The following CAMSAP2 variants were observed in gnomAD, a reference collection of about 807,000 sequenced individuals.
CAMSAP2 encodes the protein calmodulin-regulated spectrin-associated protein 2.
CAMSAP2 carries 26 observed loss-of-function variants against 146.1 expected under a neutral mutation model. The ratio of observed to expected loss-of-function variants is 0.18; its 90% CI spans 0.13 to 0.25. The LOEUF (loss-of-function observed/expected upper bound fraction) is 0.25, where lower values mean the gene tolerates loss of function less well. Among genes scored for constraint, CAMSAP2 ranks in the 10% least tolerant of loss-of-function variants. The pLI is 1.00. For missense variants in CAMSAP2, 1,381 were observed against 1,759.3 expected (o/e 0.78, Z 3.85); for synonymous variants, 499 against 596.6 (o/e 0.84, Z 2.38).
chr1:200,743,470 T>C (rs902223009), intron 1 of CAMSAP2, among the ~76,000 whole-genome samples: 61 of 152,198 alleles, frequency 4.0e-4, no homozygotes, highest in African/African-American at 1.3e-3. Flanking sequence ...TGGGTAGCAT[T>C]GTGGTTAAGA....
intron 2 of CAMSAP2, among the ~76,000 whole-genome samples, chr1:200,786,258 A>G (rs1665586383): frequency 6.6e-6 from 1 of 150,820 alleles, no homozygotes; most frequent in African/African-American, 2.4e-5. Context: ...GTTCTTTATT[A>G]TTTCTTTTCT....
At chr1:200,756,008 T>A (rs1664637891) in intron 1 of CAMSAP2, among the ~76,000 whole-genome samples, 1 of 152,164 alleles carries the variant, frequency 6.6e-6, no homozygotes, top group Non-Finnish European at 1.5e-5. Context: ...ACCTGGCATA[T>A]TCTAGCAACA....
In CAMSAP2 at chr1:200,751,535, CAAAAAAAAAAAA is replaced by C. The variant is rs35294926; in HGVS notation, c.140-9291_140-9280del. On this transcript the variant is annotated intron_variant, in intron 1 of 16. Transcript: ENST00000358823. Reference sequence around the variant, plus strand: ...GGGTGACAAGAGTGAGACTCCATCTCAAAAAAAAAAAAAAAAAAAAAAAAGCTACAAGCTACA... The same window carrying C: ...GGGTGACAAGAGTGAGACTCCATCTCAAAAAAAAAAAAGCTACAAGCTACA... 9.6e-5 allele frequency among the ~76,000 whole-genome samples: 4 copies of C among 41,606 alleles called. 1 individual carries two copies. Among genetic ancestry groups the C allele is most frequent in the African/African-American group, 2.5e-4 (3 of 11,840 alleles). The allele number at this position is 41,606 out of a possible 152,430, so 27.3% of individuals were successfully genotyped here.
chr1:200,848,941 G>T lies in CAMSAP2; in HGVS notation c.2172G>T (p.Val724=). 6.2e-7 allele frequency: 1 copy of T among 1,614,168 alleles called. No homozygotes were observed. Among genetic ancestry groups the T allele is most frequent in the Non-Finnish European group, 8.5e-7 (1 of 1,180,014 alleles). The part of the protein sequence containing the change: ...PEGSELNIPH[V]VAWAQIPEET... ...GCTCTGAACTTAATATTCCTCATGT[G>T]GTTGCTTGGGCACAAATTCCAGAAG... is the stretch of plus-strand genomic sequence containing the variant. Residue 724 remains valine (V), a synonymous_variant, in exon 11 of 17, where the codon GTG becomes GTT. Coordinates refer to ENST00000358823, the MANE Select transcript of CAMSAP2 (RefSeq NM_203459.4).
Position 200,832,061 on chromosome 1 carries a change from GA to G in CAMSAP2, c.646-132del. The G allele has an allele frequency of 1.4e-6, 1 of 691,514 alleles. No individual in the cohort carries two copies. The highest frequency in any genetic ancestry group is 2.3e-6 in the Non-Finnish European group (1 of 431,736). The allele number at this position is 691,514 out of a possible 1,614,324, so 42.8% of individuals were successfully genotyped here. On this transcript the variant is annotated intron_variant, in intron 4 of 16. Transcript: ENST00000358823. This position sits in a 1 kb window ranked among gnomAD's most constrained non-coding sequence, Gnocchi z 4.2. ...CTTTGGTAATACCTAGCGTTATTTA[GA>G]AAAAAAGAAATATTGGTGAGTGGTC...
chr1:200,841,970 C>T (rs371599898), intron 6 of CAMSAP2, 24 bp from the exon 7 acceptor site: 12 of 1,520,106 alleles, frequency 7.9e-6, no homozygotes, highest in Non-Finnish European at 1.0e-5. Flanking sequence ...CTAATGTAGG[C>T]TTTCTCTTAA....
chr1:200,748,188 G>T (rs563079208), intron 1 of CAMSAP2, among the ~76,000 whole-genome samples: 1 of 152,098 alleles, frequency 6.6e-6, no homozygotes, highest in Non-Finnish European at 1.5e-5. Flanking sequence ...CCATCATCCA[G>T]CCCCTGCTGT....
chr1:200,786,381 T>C (rs893008168), intron 2 of CAMSAP2, among the ~76,000 whole-genome samples: 6 of 151,898 alleles, frequency 4.0e-5, no homozygotes, highest in African/African-American at 7.2e-5. Context: ...ATAAATTGCT[T>C]TCTTTTTTTT....
intron 2 of CAMSAP2, among the ~76,000 whole-genome samples, chr1:200,787,260 T>C (rs756320711): frequency 4.6e-5 from 7 of 152,218 alleles, no homozygotes; most frequent in Non-Finnish European, 8.8e-5. Context: ...CTGGGCAAAG[T>C]AAATTTAAAA....
At chr1:200,850,268 T>G (rs1442713650) in intron 11 of CAMSAP2, 34 bp downstream of exon 11, 5 of 1,508,986 alleles carry the variant, frequency 3.3e-6, no homozygotes, top group Non-Finnish European at 3.5e-6. Flanking sequence ...TTGGGCATCT[T>G]CATTAGATGA....
intron 6 of CAMSAP2, among the ~76,000 whole-genome samples, chr1:200,838,960 T>C (rs1328348502): frequency 6.6e-6 from 1 of 152,198 alleles, no homozygotes; most frequent in Non-Finnish European, 1.5e-5. Flanking sequence ...ACTGGGATAG[T>C]GGTGCCATTC....
At chr1:200,841,570 C>T (rs1473921649) in intron 6 of CAMSAP2, among the ~76,000 whole-genome samples, 2 of 152,236 alleles carry the variant, frequency 1.3e-5, no homozygotes, top group African/African-American at 2.4e-5. Context: ...TTTAACACTA[C>T]ATCCAGTTAC....
At chr1:200,746,853 C>T (rs539877211) in intron 1 of CAMSAP2, among the ~76,000 whole-genome samples, 2 of 151,968 alleles carry the variant, frequency 1.3e-5, no homozygotes, top group Non-Finnish European at 2.9e-5. Flanking sequence ...CTCCCGACCT[C>T]GTGATCTGCC....
chr1:200,794,769 A>T (rs1665841159), intron 2 of CAMSAP2, among the ~76,000 whole-genome samples: 1 of 152,136 alleles, frequency 6.6e-6, no homozygotes, highest in Admixed American at 6.5e-5. Flanking sequence ...TCCATGCTCT[A>T]ATTAGAGTCC....
intron 1 of CAMSAP2, among the ~76,000 whole-genome samples, chr1:200,749,161 C>A (rs1483918005): frequency 6.6e-6 from 1 of 152,206 alleles, no homozygotes; most frequent in Non-Finnish European, 1.5e-5. Flanking sequence ...TTTCATGTGT[C>A]CTGTCTCTAC....
At chr1:200,821,101 A>G (rs1666749105) in intron 4 of CAMSAP2, among the ~76,000 whole-genome samples, 1 of 151,912 alleles carries the variant, frequency 6.6e-6, no homozygotes, top group Admixed American at 6.6e-5. Flanking sequence ...TAAATTAGAT[A>G]ATTTTTGTTT....
At chr1:200,827,932 G>A (rs1201616982) in intron 4 of CAMSAP2, among the ~76,000 whole-genome samples, 2 of 152,084 alleles carry the variant, frequency 1.3e-5, no homozygotes, top group Non-Finnish European at 2.9e-5. Flanking sequence ...GACAGCCCTA[G>A]ATAGTAAATT....
intron 2 of CAMSAP2, among the ~76,000 whole-genome samples, chr1:200,792,604 C>A (rs1665785007): frequency 6.6e-6 from 1 of 152,204 alleles, no homozygotes; most frequent in Non-Finnish European, 1.5e-5. Context: ...GAGATGGCAC[C>A]ACTGCGCTCC....
intron 2 of CAMSAP2, among the ~76,000 whole-genome samples, chr1:200,791,278 C>G (rs1665744608): frequency 6.6e-6 from 1 of 152,056 alleles, no homozygotes. Context: ...ATTTGATTTT[C>G]TTCAGCTGCT....
Sources: allele counts gnomAD v4.1 joint callset (sites outside exome capture counted in the v4.1 genomes callset), GRCh38; gene constraint gnomAD v4.1.1; non-coding constraint Gnocchi (gnomAD v3.1); transcripts MANE v1.5; gene names NCBI Gene and HGNC (gene_info 2026-07-23, HGNC 2026-07-21).